The following TAFA1 variants were observed in gnomAD, a reference collection of about 807,000 sequenced individuals.
TAFA1 encodes TAFA chemokine like family member 1, also known as chemokine-like protein TAFA-1.
TAFA1 carries 4 observed loss-of-function variants against 18.5 expected under a neutral mutation model. The observed-to-expected ratio is 0.22, with a 90% CI of 0.11 to 0.49. The LOEUF (loss-of-function observed/expected upper bound fraction) is 0.49. Ranked by LOEUF, TAFA1 falls within the 20% of genes least tolerant of loss-of-function variation. TAFA1 has a pLI of 0.98. For synonymous variants in TAFA1, 56 were observed against 55.2 expected, an observed-to-expected ratio of 1.01 and a Z score of -0.06; for missense variants, 147 against 169.0, an observed-to-expected ratio of 0.87 and a Z score of 0.72.
chr3:68,015,973 C>A (rs571245872), intron 2 of TAFA1, among the ~76,000 whole-genome samples: 1 of 152,238 alleles, frequency 6.6e-6, no homozygotes, highest in Non-Finnish European at 1.5e-5. Flanking sequence ...AATTAGAATT[C>A]ATGCAATGTG....
chr3:68,494,381 C>G (rs1034058503), intron 3 of TAFA1, among the ~76,000 whole-genome samples: 13 of 152,152 alleles, frequency 8.5e-5, no homozygotes, highest in Non-Finnish European at 5.9e-5. Context: ...TGTCTGGTTC[C>G]TAGTGTGCTA....
At chr3:68,318,757 A>G (rs1237678201) in intron 2 of TAFA1, among the ~76,000 whole-genome samples, 2 of 152,220 alleles carry the variant, frequency 1.3e-5, no homozygotes, top group Admixed American at 1.3e-4. Context: ...TGATTACTTA[A>G]AAGATTTTAA....
At chr3:68,023,066 T>C (rs944108375) in intron 2 of TAFA1, among the ~76,000 whole-genome samples, 8 of 151,212 alleles carry the variant, frequency 5.3e-5, no homozygotes, top group Non-Finnish European at 1.0e-4. Flanking sequence ...GTAAAGCCAG[T>C]ATTTGAACTG....
At chr3:68,436,912 A>G (rs1271562453) in intron 3 of TAFA1, among the ~76,000 whole-genome samples, 2 of 152,180 alleles carry the variant, frequency 1.3e-5, no homozygotes, top group Non-Finnish European at 1.5e-5. Flanking sequence ...TGCCCACTTT[A>G]TTAGAAAACT....
chr3:68,222,965 C>T (rs2066750256), intron 2 of TAFA1, among the ~76,000 whole-genome samples: 1 of 152,136 alleles, frequency 6.6e-6, no homozygotes, highest in African/African-American at 2.4e-5. Flanking sequence ...AGACATGAGC[C>T]ACTGTGCCTG....
chr3:68,127,588 TAGCAGTG>T (rs1482436384), intron 2 of TAFA1, among the ~76,000 whole-genome samples: 18 of 654 alleles, frequency 0.028, no homozygotes, highest in Non-Finnish European at 0.045. Flanking sequence ...GTAGTGATGG[TAGCAGTG>T]GATGATAGTG....
At chr3:68,397,687 G>T (rs1559651353) in intron 2 of TAFA1, among the ~76,000 whole-genome samples, 1 of 152,134 alleles carries the variant, frequency 6.6e-6, no homozygotes. Flanking sequence ...CCAGTAATGG[G>T]ATTGCTGGGT....
intron 3 of TAFA1, among the ~76,000 whole-genome samples, chr3:68,474,095 A>G (rs147501011): frequency 6.9e-6 from 1 of 145,440 alleles, no homozygotes; most frequent in Non-Finnish European, 1.5e-5. Flanking sequence ...CTACTTCTTG[A>G]CTACAGTTTA....
At chr3:68,033,540 A>T (rs894911844) in intron 2 of TAFA1, among the ~76,000 whole-genome samples, 1 of 152,178 alleles carries the variant, frequency 6.6e-6, no homozygotes, top group African/African-American at 2.4e-5. Flanking sequence ...TTCTCCATCC[A>T]ATTTCAATGC....
intron 2 of TAFA1, among the ~76,000 whole-genome samples, chr3:68,297,945 G>T (rs2068239301): frequency 1.3e-5 from 2 of 152,036 alleles, no homozygotes; most frequent in South Asian, 4.1e-4. Flanking sequence ...CACTCAATAA[G>T]AACTTACTGT....
chr3:68,518,360 A>G (rs1050739546), intron 3 of TAFA1, among the ~76,000 whole-genome samples: 1 of 152,118 alleles, frequency 6.6e-6, no homozygotes, highest in Non-Finnish European at 1.5e-5. Flanking sequence ...ATTTCAAAGT[A>G]TTATTTATTT....
intron 3 of TAFA1, among the ~76,000 whole-genome samples, chr3:68,516,896 C>G (rs900751413): frequency 1.3e-5 from 2 of 152,128 alleles, no homozygotes; most frequent in African/African-American, 4.8e-5. Flanking sequence ...GCCTCAGTCT[C>G]CCGAGTAGCT....
chr3:68,369,769 G>T (rs1418978279), intron 2 of TAFA1, among the ~76,000 whole-genome samples: 1 of 152,058 alleles, frequency 6.6e-6, no homozygotes, highest in Non-Finnish European at 1.5e-5. Flanking sequence ...TGTTAAACAA[G>T]ATCTCCTGTT....
intron 2 of TAFA1, among the ~76,000 whole-genome samples, chr3:68,205,917 G>A (rs932647411): frequency 6.6e-6 from 1 of 151,816 alleles, no homozygotes; most frequent in South Asian, 2.1e-4. Context: ...AAAATACTCA[G>A]TGGTTATAAT....
intron 3 of TAFA1, among the ~76,000 whole-genome samples, chr3:68,506,251 G>T (rs1267942201): frequency 6.6e-6 from 1 of 152,064 alleles, no homozygotes; most frequent in Non-Finnish European, 1.5e-5. Context: ...GTATTCCATG[G>T]TGTATATATG....
intron 3 of TAFA1, among the ~76,000 whole-genome samples, chr3:68,478,412 TAAG>T (rs1051939902): frequency 3.9e-5 from 6 of 152,026 alleles, no homozygotes; most frequent in African/African-American, 7.2e-5. Flanking sequence ...AAAGTGGAAA[TAAG>T]AAGAAAAAAA....
At chr3:68,293,838 G>A (rs1484536901) in intron 2 of TAFA1, among the ~76,000 whole-genome samples, 1 of 152,118 alleles carries the variant, frequency 6.6e-6, no homozygotes, top group African/African-American at 2.4e-5. Context: ...ATTTCATTTT[G>A]AGGCCCACTG....
chr3:68,505,294 G>C (rs2072728285), intron 3 of TAFA1, among the ~76,000 whole-genome samples: 1 of 152,236 alleles, frequency 6.6e-6, no homozygotes, highest in South Asian at 2.1e-4. Context: ...AAAGTCTTTA[G>C]CTTTTTATCT....
At chr3:68,484,673 A>G (rs1429474634) in intron 3 of TAFA1, among the ~76,000 whole-genome samples, 3 of 152,212 alleles carry the variant, frequency 2.0e-5, no homozygotes, top group Non-Finnish European at 4.4e-5. Flanking sequence ...AGGCAGTTAA[A>G]TGGAGTGATT....
Sources: allele counts gnomAD v4.1 joint callset (sites outside exome capture counted in the v4.1 genomes callset), GRCh38; gene constraint gnomAD v4.1.1; transcripts MANE v1.5; gene names NCBI Gene and HGNC (gene_info 2026-07-23, HGNC 2026-07-21).